Variants in SLC6A6 observed in about 807,000 individuals in gnomAD.
SLC6A6 encodes the protein sodium- and chloride-dependent taurine transporter.
Under a neutral mutation model 68.8 loss-of-function variants are expected in SLC6A6, and 16 were observed. The observed-to-expected ratio is 0.23, with a 90% CI of 0.16 to 0.35. SLC6A6 has a LOEUF of 0.35. Ranked by LOEUF, SLC6A6 falls within the 10% of genes least tolerant of loss-of-function variation. The pLI, the probability that SLC6A6 is intolerant of heterozygous loss-of-function variation, is 1.00. For missense variants in SLC6A6, 474 were observed against 802.8 expected (o/e 0.59, Z 4.95); for synonymous variants, 312 against 315.4 (o/e 0.99, Z 0.12).
chr3:14,411,624 A>T (rs1699254067), intron 1 of SLC6A6, among the ~76,000 whole-genome samples: 1 of 152,238 alleles, frequency 6.6e-6, no homozygotes, highest in Admixed American at 6.5e-5. Flanking sequence ...ATGCTCCAGC[A>T]TCCAGCCTAG....
In SLC6A6 at chr3:14,481,594, G is replaced by T. The variant is rs752591711; in HGVS notation, c.1552-77G>T. The stretch of plus-strand genomic sequence containing the variant: ...GAGAGAGACCCTTCCCTCAGGTTGA[G>T]GCCAGTCCTAGTCCCAGAAGCCCCC... On this transcript the variant is annotated intron_variant, in intron 13 of 14. Transcript: ENST00000622186. The surrounding 1 kb of genome is among the most constrained non-coding windows in gnomAD (Gnocchi z 4.7). The T allele has an allele frequency of 1.0e-6, 1 of 978,242 alleles. No homozygotes were observed. The highest frequency in any genetic ancestry group is 1.6e-6 in the Non-Finnish European group (1 of 629,994). 60.6% of individuals were successfully genotyped at this position (978,242 alleles called of 1,614,324 possible).
intron 1 of SLC6A6, among the ~76,000 whole-genome samples, chr3:14,404,504 T>G (rs1160611807): frequency 6.6e-6 from 1 of 152,222 alleles, no homozygotes; most frequent in Non-Finnish European, 1.5e-5. Flanking sequence ...CTGCCTCAGT[T>G]TCCTTACCTG....
intron 2 of SLC6A6, chr3:14,432,847 C>T (rs1433183415): frequency 6.6e-6 from 1 of 152,210 alleles, no homozygotes; most frequent in Non-Finnish European, 1.5e-5. Flanking sequence ...GCTGTGGGTA[C>T]CAAGTGCCCT....
chr3:14,408,745 C>G (rs1167688706), intron 1 of SLC6A6, among the ~76,000 whole-genome samples: 2 of 151,894 alleles, frequency 1.3e-5, no homozygotes, highest in Non-Finnish European at 2.9e-5. Flanking sequence ...TTGATTTCCT[C>G]TTTGATCCAG....
chr3:14,445,726 T>C lies in SLC6A6; in HGVS notation c.239T>C (p.Leu80Pro). The C allele has an allele frequency of 6.2e-7, 1 of 1,614,234 alleles. No individual in the cohort carries two copies. The highest frequency in any genetic ancestry group is 8.5e-7 in the Non-Finnish European group (1 of 1,180,034). The change falls in exon 4 of 15, where the codon CTC (leucine) becomes CCC (proline). Residue 80 changes from leucine (L) to proline (P), a missense_variant. By Grantham distance (98) the Leu-to-Pro change is moderately conservative (BLOSUM62 -3). Around this residue, in one of 2 missense-constraint regions of SLC6A6, gnomAD observed 280 missense variants for 533.1 expected, o/e 0.53. Coordinates refer to ENST00000622186, the MANE Select transcript of SLC6A6 (RefSeq NM_003043.6). ...ATTCTGCTCTCTGCAGGTGCGTTTC[T>C]CATACCGTATTTTATTTTCCTGTTT... ...LCYKNGGGAF[L>P]IPYFIFLFGS...
chr3:14,454,945 AGTAGGACACAGAACTTTCCTGTTT>A (rs1700336593), intron 5 of SLC6A6, among the ~76,000 whole-genome samples: 1 of 152,104 alleles, frequency 6.6e-6, no homozygotes, highest in Non-Finnish European at 1.5e-5. Context: ...CGAGCTCCTT[AGTAGGACACAGAACTTTCCTGTTT>A]TACACCGCTG....
At position 14,429,280 on chromosome 3, in the gene SLC6A6, G is replaced by C. The variant is rs530513563; in HGVS notation, c.-12+12827G>C. ...CCTTGGCCAGGTCATTCTCCTCTGA[G>C]CCTCATTTTCCTTATTTGTAAGTTG... On this transcript the variant is annotated intron_variant, in intron 2 of 14. Coordinates refer to ENST00000622186, the MANE Select transcript of SLC6A6 (RefSeq NM_003043.6). Among the ~76,000 whole-genome samples, 733 of 152,296 alleles carry C rather than the reference G, an allele frequency of 4.8e-3. 3 individuals carry two copies. Among genetic ancestry groups the C allele is most frequent in the Middle Eastern group, 0.034 (10 of 294 alleles).
rs547081087 is a variant in SLC6A6, at chr3:14,406,061, G to A, written c.-54+3214G>A. ...GGGCTGGCATTCTCCACAGGGGGCAGAGTAGCCACAAGGGCACAGTGGCGT... is the reference window on the plus strand; with the variant it reads ...GGGCTGGCATTCTCCACAGGGGGCAAAGTAGCCACAAGGGCACAGTGGCGT... On this transcript the variant is annotated intron_variant, in intron 1 of 14. Coordinates refer to ENST00000622186, the MANE Select transcript of SLC6A6 (RefSeq NM_003043.6). Among the ~76,000 whole-genome samples, 23 of 152,320 alleles carry A rather than the reference G, an allele frequency of 1.5e-4. No homozygotes were observed. The South Asian group carries it at 4.8e-3, about 32-fold the overall frequency.
At chr3:14,412,191 G>A (rs568402479) in intron 1 of SLC6A6, among the ~76,000 whole-genome samples, 1 of 152,164 alleles carries the variant, frequency 6.6e-6, no homozygotes, top group Non-Finnish European at 1.5e-5. Context: ...TCATCCTCTT[G>A]GTGGTTTTTC....
chr3:14,436,576 T>C, intron 2 of SLC6A6, among the ~76,000 whole-genome samples: 1 of 104,868 alleles, frequency 9.5e-6, no homozygotes, highest in East Asian at 2.8e-4. Context: ...TTTTTTTTTT[T>C]TTTTTGGTGC....
At chr3:14,444,046 G>A (rs571720165) in intron 3 of SLC6A6, 183 bp downstream of exon 3, 60 of 587,840 alleles carry the variant, frequency 1.0e-4, no homozygotes, top group Admixed American at 7.7e-4. Context: ...GGATAAGCCC[G>A]ACTGAGAATC....
intron 2 of SLC6A6, among the ~76,000 whole-genome samples, chr3:14,418,881 A>G (rs1407260703): frequency 6.6e-6 from 1 of 152,252 alleles, no homozygotes; most frequent in Non-Finnish European, 1.5e-5. Flanking sequence ...TTTGAACCTG[A>G]TTGAGCTGAC....
intron 10 of SLC6A6, among the ~76,000 whole-genome samples, chr3:14,474,121 C>T (rs956990808): frequency 7.2e-5 from 11 of 152,162 alleles, no homozygotes; most frequent in South Asian, 6.2e-4. Context: ...GGGTAGAAAT[C>T]GAACCTAAGT....
At chr3:14,455,567 CAG>C (rs1358833628) in intron 5 of SLC6A6, among the ~76,000 whole-genome samples, 1 of 152,228 alleles carries the variant, frequency 6.6e-6, no homozygotes, top group Admixed American at 6.5e-5. Flanking sequence ...GGAAGACAGA[CAG>C]GGGCTCTACA....
Position 14,472,607 on chromosome 3 carries a change from G to A in SLC6A6, c.1209+290G>A, listed in dbSNP as rs1442655514. On this transcript the variant is annotated intron_variant, in intron 10 of 14. Transcript: ENST00000622186. This position sits in a 1 kb window ranked among gnomAD's most constrained non-coding sequence, Gnocchi z 4.5. ...ATCCAGAGGTTCTCGGAGTGGGTGG[G>A]TTATGACAGGGACAACCAGGGTTTG... 6.6e-6 allele frequency among the ~76,000 whole-genome samples: 1 copy of A among 152,198 alleles called. No homozygotes were observed. The highest frequency in any genetic ancestry group is 1.5e-5 in the Non-Finnish European group (1 of 68,040).
At chr3:14,442,555 T>C (rs1410935306) in intron 2 of SLC6A6, among the ~76,000 whole-genome samples, 1 of 152,206 alleles carries the variant, frequency 6.6e-6, no homozygotes, top group Non-Finnish European at 1.5e-5. Flanking sequence ...GCCAGGGGTA[T>C]CCACCTTCTG....
chr3:14,448,189 T>C, intron 5 of SLC6A6: 1 of 626,914 alleles, frequency 1.6e-6, no homozygotes, highest in Non-Finnish European at 2.1e-6. Context: ...CAGAGAAAAA[T>C]GCATATATGA....
intron 6 of SLC6A6, among the ~76,000 whole-genome samples, chr3:14,465,452 C>T (rs1041157696): frequency 1.1e-4 from 16 of 152,184 alleles, no homozygotes; most frequent in Non-Finnish European, 2.4e-4. Context: ...CTGAAGGTCT[C>T]GTCCTTCCAG....
intron 6 of SLC6A6, 113 bp from the exon 7 acceptor site, chr3:14,466,403 C>T: frequency 4.0e-6 from 5 of 1,244,128 alleles, no homozygotes; most frequent in Non-Finnish European, 5.6e-6. Flanking sequence ...GCAAACCTGG[C>T]TCCAGAACTC....
Sources: allele counts gnomAD v4.1 joint callset (sites outside exome capture counted in the v4.1 genomes callset), GRCh38; gene constraint gnomAD v4.1.1; regional missense constraint gnomAD v4.1.1; non-coding constraint Gnocchi (gnomAD v3.1); transcripts MANE v1.5; gene names NCBI Gene and HGNC (gene_info 2026-07-23, HGNC 2026-07-21).